The following PHACTR2 variants were observed in gnomAD, a reference collection of about 807,000 sequenced individuals.
PHACTR2 encodes phosphatase and actin regulator 2, also known as chromosome 6 open reading frame 56.
PHACTR2 carries 30 observed loss-of-function variants against 76.0 expected under a neutral mutation model. The ratio of observed to expected loss-of-function variants is 0.39; its 90% CI spans 0.30 to 0.54. The LOEUF is 0.54. Among genes scored for constraint, PHACTR2 ranks in the 20% least tolerant of loss-of-function variants. The pLI is 0.61. For synonymous variants in PHACTR2, 292 were observed against 292.5 expected (o/e 1.00, Z 0.02); for missense variants, 696 against 781.1 (o/e 0.89, Z 1.30).
rs80192635 is a variant in PHACTR2, at chr6:143,598,132, G to A, written c.217+60925G>A. Among the ~76,000 whole-genome samples, 1 of 151,884 alleles carries A rather than the reference G, an allele frequency of 6.6e-6. No individual in the cohort carries two copies. The highest frequency in any genetic ancestry group is 1.5e-5 in the Non-Finnish European group (1 of 67,994). ...CCATATCTTAACCCCTTAAACCTGT[G>A]AATATGTTACTTTACATGGCAAAAG... On this transcript the variant is annotated intron_variant, in intron 1 of 11. Coordinates refer to the PHACTR2 transcript ENST00000367584. This position sits in a 1 kb window ranked among gnomAD's most constrained non-coding sequence, Gnocchi z 4.1.
chr6:143,636,896 A>T (rs1005370079), intron 1 of PHACTR2, among the ~76,000 whole-genome samples: 6 of 152,196 alleles, frequency 3.9e-5, no homozygotes, highest in African/African-American at 1.4e-4. Flanking sequence ...TACCTTTCTC[A>T]TGTAGATGAA....
chr6:143,615,279 C>T (rs920927274), intron 1 of PHACTR2, among the ~76,000 whole-genome samples: 4 of 152,082 alleles, frequency 2.6e-5, no homozygotes, highest in South Asian at 2.1e-4. Context: ...TGTTTTACTG[C>T]TTTAAGAGTG....
chr6:143,699,644 C>G (rs1777853967), intron 1 of PHACTR2, among the ~76,000 whole-genome samples: 1 of 152,184 alleles, frequency 6.6e-6, no homozygotes, highest in Admixed American at 6.5e-5. Context: ...TGCCTGAATA[C>G]AAGCTAAAGG....
chr6:143,741,365 T>C (rs914729795), intron 2 of PHACTR2, among the ~76,000 whole-genome samples: 11 of 151,868 alleles, frequency 7.2e-5, no homozygotes, highest in Admixed American at 3.3e-4. Flanking sequence ...TGGTGGCGCA[T>C]GCCTGTAATC....
chr6:143,797,880 A>C (rs1452571268), intron 11 of PHACTR2, among the ~76,000 whole-genome samples: 3 of 152,198 alleles, frequency 2.0e-5, no homozygotes, highest in Non-Finnish European at 4.4e-5. Context: ...TGGATATGCG[A>C]GCTCTTTTTT....
rs1266149182 is a variant in PHACTR2, at chr6:143,616,677, G to A, written c.13+8355G>A. On this transcript the variant is annotated intron_variant, in intron 1 of 11. Transcript: ENST00000305766. This position sits in a 1 kb window ranked among gnomAD's most constrained non-coding sequence, Gnocchi z 4.9. ...CCTTCTAGTAGAGAAAGCAAAATTAGTAATGAATAGACAAAATGCTTGGGG... is the reference window on the plus strand; with the variant it reads ...CCTTCTAGTAGAGAAAGCAAAATTAATAATGAATAGACAAAATGCTTGGGG... Among the ~76,000 whole-genome samples the A allele has an allele frequency of 6.6e-6, 1 of 152,154 alleles. No homozygotes were observed. The highest frequency in any genetic ancestry group is 2.1e-4 in the South Asian group (1 of 4,826).
intron 1 of PHACTR2, among the ~76,000 whole-genome samples, chr6:143,559,513 A>T (rs1226675240): frequency 6.6e-6 from 1 of 152,118 alleles, no homozygotes; most frequent in Non-Finnish European, 1.5e-5. Flanking sequence ...TTCTTTCTGG[A>T]TCTGAAGTGG....
chr6:143,798,967 G>T (rs929446045), intron 11 of PHACTR2, among the ~76,000 whole-genome samples: 7 of 152,300 alleles, frequency 4.6e-5, no homozygotes, highest in Middle Eastern at 3.4e-3. Context: ...AATGGTACCA[G>T]CTCCTCTTTG....
intron 1 of PHACTR2, among the ~76,000 whole-genome samples, chr6:143,566,860 C>T (rs1226088739): frequency 6.6e-6 from 1 of 151,272 alleles, no homozygotes; most frequent in Non-Finnish European, 1.5e-5. Flanking sequence ...ATGCCATTAT[C>T]ATACTAAAAA....
Position 143,583,295 on chromosome 6 carries a change from T to C in PHACTR2, c.217+46088T>C, listed in dbSNP as rs573372890. ...TTAGTGAATGAAAGCACTTATACCA[T>C]GTGAGAATGGGTTACAGAAACACAT... On this transcript the variant is annotated intron_variant, in intron 1 of 11. Transcript: ENST00000367584. The surrounding 1 kb of genome is among the most constrained non-coding windows in gnomAD (Gnocchi z 4.0). 1.3e-5 allele frequency among the ~76,000 whole-genome samples: 2 copies of C among 152,352 alleles called. No individual in the cohort carries two copies. The highest frequency in any genetic ancestry group is 4.8e-5 in the African/African-American group (2 of 41,590).
chr6:143,689,188 A>G lies in PHACTR2; in HGVS notation c.46+10979A>G, dbSNP rs1184154085. On this transcript the variant is annotated intron_variant, in intron 1 of 12. Coordinates refer to ENST00000440869, the MANE Select transcript of PHACTR2 (RefSeq NM_001100164.2). This position sits in a 1 kb window ranked among gnomAD's most constrained non-coding sequence, Gnocchi z 4.4. ...CCTTCCCTGCCTACCCCTCTCCAGA[A>G]TAACCCACCCAGGTCCCACCCACAG... 6.6e-6 allele frequency among the ~76,000 whole-genome samples: 1 copy of G among 152,174 alleles called. No homozygotes were observed. The highest frequency in any genetic ancestry group is 6.5e-5 in the Admixed American group (1 of 15,280).
At position 143,641,434 on chromosome 6, in the gene PHACTR2, A is replaced by T. The variant is rs914470991; in HGVS notation, c.13+33112A>T. 3.9e-5 allele frequency among the ~76,000 whole-genome samples: 6 copies of T among 152,168 alleles called. No individual in the cohort carries two copies. Among genetic ancestry groups the T allele is most frequent in the African/African-American group, 1.4e-4 (6 of 41,444 alleles). ...CTTGAGAACGAGCACTGCCCTGCCA[A>T]TTCCTGACTTCTTACCTTCAGATCT... On this transcript the variant is annotated intron_variant, in intron 1 of 11. Coordinates refer to the PHACTR2 transcript ENST00000305766. This position sits in a 1 kb window ranked among gnomAD's most constrained non-coding sequence, Gnocchi z 5.8.
At chr6:143,600,134 A>G (rs749651796) in intron 1 of PHACTR2, among the ~76,000 whole-genome samples, 27 of 152,250 alleles carry the variant, frequency 1.8e-4, no homozygotes, top group Non-Finnish European at 3.5e-4. Flanking sequence ...TGCCAGCCAC[A>G]TCATTGGAGG....
chr6:143,659,963 A>C lies in PHACTR2; in HGVS notation c.13+51641A>C, dbSNP rs1562261890. Among the ~76,000 whole-genome samples, 1 of 152,144 alleles carries C rather than the reference A, an allele frequency of 6.6e-6. No individual in the cohort carries two copies. Among genetic ancestry groups the C allele is most frequent in the Non-Finnish European group, 1.5e-5 (1 of 68,026 alleles). Reference sequence around the variant, plus strand: ...AGAACTTTAACTGGGAACACTAAAAACTTAAATGTATGTATTTAGTAGGTA... The same window carrying C: ...AGAACTTTAACTGGGAACACTAAAACCTTAAATGTATGTATTTAGTAGGTA... On this transcript the variant is annotated intron_variant, in intron 1 of 11. Transcript: ENST00000305766. The surrounding 1 kb of genome is among the most constrained non-coding windows in gnomAD (Gnocchi z 5.0).
At position 143,548,278 on chromosome 6, in the gene PHACTR2, A is replaced by AGG. The variant is rs1554286605; in HGVS notation, c.217+11071_217+11072insGG. 6.0e-5 allele frequency among the ~76,000 whole-genome samples: 9 copies of AGG among 150,156 alleles called. No individual in the cohort carries two copies. Among genetic ancestry groups the AGG allele is most frequent in the Non-Finnish European group, 1.3e-4 (9 of 66,754 alleles). Reference sequence around the variant, plus strand: ...ACCCTCAATACCTCATCTAATCCTTATTACCTCCCAAAGACTCCACCTCAT... The same window carrying AGG: ...ACCCTCAATACCTCATCTAATCCTTAGGTTACCTCCCAAAGACTCCACCTCAT... On this transcript the variant is annotated intron_variant, in intron 1 of 11. Coordinates refer to the PHACTR2 transcript ENST00000367584. The surrounding 1 kb of genome is among the most constrained non-coding windows in gnomAD (Gnocchi z 4.5).
At chr6:143,719,129 T>A (rs7762824) in intron 2 of PHACTR2, among the ~76,000 whole-genome samples, 89 of 150,404 alleles carry the variant, frequency 5.9e-4, no homozygotes, top group African/African-American at 2.1e-3. Flanking sequence ...GTGATCCACC[T>A]GCCTCGGCCT....
intron 6 of PHACTR2, among the ~76,000 whole-genome samples, chr6:143,768,194 T>C (rs997320368): frequency 1.3e-5 from 2 of 152,216 alleles, no homozygotes; most frequent in African/African-American, 4.8e-5. Context: ...GGAGCATTCT[T>C]AATACTTCCA....
chr6:143,540,870 T>C (rs573667751), intron 1 of PHACTR2, among the ~76,000 whole-genome samples: 37 of 152,268 alleles, frequency 2.4e-4, no homozygotes, highest in Non-Finnish European at 2.9e-4. Context: ...CATTTTGCCA[T>C]ATGGTTTTTG....
chr6:143,605,007 A>G (rs1290111053), upstream of PHACTR2, among the ~76,000 whole-genome samples: 1 of 143,970 alleles, frequency 6.9e-6, no homozygotes, highest in Non-Finnish European at 1.5e-5. This position sits in a 1 kb window ranked among gnomAD's most constrained non-coding sequence, Gnocchi z 5.0. Context: ...TTTTTTTTGT[A>G]GAAAGATGTG....
Sources: gnomAD v4.1 joint callset for allele counts (sites outside exome capture counted in the v4.1 genomes callset) on GRCh38, gnomAD v4.1.1 for gene constraint, Gnocchi (gnomAD v3.1) non-coding constraint, MANE v1.5 for transcripts, NCBI Gene and HGNC (gene_info 2026-07-23, HGNC 2026-07-21) for gene names.